Variants in ATP8B4 observed in about 807,000 individuals in gnomAD.
The protein encoded by ATP8B4 is probable phospholipid-transporting ATPase IM.
A neutral mutation model predicts 145.6 loss-of-function variants in ATP8B4; 133 were observed. The ratio of observed to expected loss-of-function variants is 0.91; its 90% CI spans 0.79 to 1.05. ATP8B4 has a LOEUF of 1.05. Among genes scored for constraint, ATP8B4 ranks in the 50% least tolerant of loss-of-function variants. The probability of loss-of-function intolerance (pLI) is 0.00; values close to 1 mark genes in which losing one functional copy is unlikely to be tolerated. For synonymous variants in ATP8B4, 507 were observed against 492.9 expected, an observed-to-expected ratio of 1.03 and a Z score of -0.38; for missense variants, 1,458 against 1,425.2, an observed-to-expected ratio of 1.02 and a Z score of -0.37.
At chr15:49,994,440 T>C (rs2047264994) in intron 9 of ATP8B4, among the ~76,000 whole-genome samples, 1 of 152,146 alleles carries the variant, frequency 6.6e-6, no homozygotes, top group African/African-American at 2.4e-5. Flanking sequence ...TATTTATTCA[T>C]CCAGCAGGGA....
At chr15:50,121,112 T>TA (rs2057265754), upstream of ATP8B4, among the ~76,000 whole-genome samples, 1 of 152,202 alleles carries the variant, frequency 6.6e-6, no homozygotes, top group Non-Finnish European at 1.5e-5. Context: ...ATCTCATTTT[T>TA]AAAAAATATT....
At chr15:50,038,253 C>T (rs897620402) in intron 6 of ATP8B4, among the ~76,000 whole-genome samples, 2 of 152,104 alleles carry the variant, frequency 1.3e-5, no homozygotes, top group Non-Finnish European at 2.9e-5. Context: ...GCACTGTTCC[C>T]ACAAATACTT....
chr15:49,948,754 T>C (rs1173024513), intron 14 of ATP8B4, among the ~76,000 whole-genome samples: 2 of 152,230 alleles, frequency 1.3e-5, no homozygotes, highest in African/African-American at 4.8e-5. Context: ...AGGTAGCCTG[T>C]TCACTCTGAT....
At position 49,860,434 on chromosome 15, in the gene ATP8B4, T is replaced by TG. The variant is rs756009880; in HGVS notation, c.3338dup (p.Ser1114LysfsTer2). 1 of 1,613,606 alleles carries TG rather than the reference T, an allele frequency of 6.2e-7. No individual in the cohort carries two copies. The highest frequency in any genetic ancestry group is 8.5e-7 in the Non-Finnish European group (1 of 1,179,884). On this transcript the variant is annotated frameshift_variant, in exon 28 of 28. Transcript: ENST00000284509. LOFTEE classifies it high-confidence loss of function. ...TGCGGGTCCGAGGCCTTCGGCTACT[T>TG]GGAGGCCTTGCCTTCTTTTGAGCCT...
intron 1 of ATP8B4, among the ~76,000 whole-genome samples, chr15:50,174,940 A>G (rs1255665399): frequency 6.6e-6 from 1 of 152,240 alleles, no homozygotes; most frequent in Non-Finnish European, 1.5e-5. Context: ...CTGGTATAAA[A>G]ATAGGCACAT....
At chr15:49,990,968 T>C (rs986222136) in intron 9 of ATP8B4, among the ~76,000 whole-genome samples, 1 of 152,156 alleles carries the variant, frequency 6.6e-6, no homozygotes, top group African/African-American at 2.4e-5. Context: ...CTTCCTATTT[T>C]CTAAAGCTTC....
intron 20 of ATP8B4, among the ~76,000 whole-genome samples, chr15:49,909,557 C>T (rs1331909127): frequency 6.6e-6 from 1 of 151,884 alleles, no homozygotes; most frequent in African/African-American, 2.4e-5. Flanking sequence ...AATGTGCTAC[C>T]CTTGGACCCA....
chr15:50,109,467 C>T (rs1014836237), intron 1 of ATP8B4, among the ~76,000 whole-genome samples: 5 of 152,028 alleles, frequency 3.3e-5, no homozygotes, highest in African/African-American at 4.8e-5. Context: ...TCTGTGACAA[C>T]GACATCTGTA....
At chr15:50,094,275 T>C (rs1234503297) in intron 2 of ATP8B4, among the ~76,000 whole-genome samples, 1 of 152,118 alleles carries the variant, frequency 6.6e-6, no homozygotes, top group African/African-American at 2.4e-5. Flanking sequence ...GGAACTCCTC[T>C]TGCCTTTGAG....
chr15:50,122,767 T>A (rs1033256023), upstream of ATP8B4, among the ~76,000 whole-genome samples: 3 of 151,560 alleles, frequency 2.0e-5, no homozygotes, highest in African/African-American at 7.3e-5. Flanking sequence ...CCCACTTGAA[T>A]CTCCTAAAGT....
chr15:50,070,224 T>C (rs1029424680), intron 3 of ATP8B4, among the ~76,000 whole-genome samples: 1 of 151,856 alleles, frequency 6.6e-6, no homozygotes, highest in Non-Finnish European at 1.5e-5. Context: ...CCATCTGGAG[T>C]GATATTCTTT....
intron 6 of ATP8B4, among the ~76,000 whole-genome samples, chr15:50,016,919 A>G (rs1298420695): frequency 6.6e-6 from 1 of 152,136 alleles, no homozygotes; most frequent in Non-Finnish European, 1.5e-5. Flanking sequence ...CATTCCCTTG[A>G]GGGGCAGTGG....
chr15:50,085,964 TATATATG>T (rs1475406502), intron 2 of ATP8B4, among the ~76,000 whole-genome samples: 1 of 54,396 alleles, frequency 1.8e-5, no homozygotes. Context: ...CATATATATT[TATATATG>T]ATATATCAAA....
intron 13 of ATP8B4, among the ~76,000 whole-genome samples, chr15:49,969,112 C>T (rs2044834229): frequency 6.6e-6 from 1 of 152,096 alleles, no homozygotes; most frequent in African/African-American, 2.4e-5. Context: ...ATCTCTGGGA[C>T]ACAGATAAAG....
Position 50,074,173 on chromosome 15 carries a change from A to G in ATP8B4, c.41T>C (p.Ile14Thr). The stretch of plus-strand genomic sequence containing the variant: ...ATATTCACGGTCATTGGCTTTCACT[A>G]TCCGTTCCACTTCTAAAGAGAGAGA... ...SEKKLREVER[I>T]VKANDREYNE... Residue 14 changes from isoleucine to threonine, a missense_variant, in exon 3 of 28, where the codon ATA becomes ACA. Physicochemically the swap from Ile to Thr is moderately conservative, Grantham distance 89. Coordinates refer to ENST00000284509, the MANE Select transcript of ATP8B4 (RefSeq NM_024837.4). 1.9e-6 allele frequency: 3 copies of G among 1,612,386 alleles called. No homozygotes were observed. Among genetic ancestry groups the G allele is most frequent in the East Asian group, 2.2e-5 (1 of 44,824 alleles).
intron 14 of ATP8B4, among the ~76,000 whole-genome samples, chr15:49,947,622 T>C (rs987177986): frequency 2.0e-5 from 3 of 151,932 alleles, no homozygotes; most frequent in Non-Finnish European, 4.4e-5. Flanking sequence ...TAAAAAAAAT[T>C]CTAAAATTGA....
At chr15:50,135,114 T>G (rs1315643861) in intron 1 of ATP8B4, among the ~76,000 whole-genome samples, 1 of 152,228 alleles carries the variant, frequency 6.6e-6, no homozygotes, top group African/African-American at 2.4e-5. Flanking sequence ...GAGGAAAATT[T>G]AAATGGTTTT....
intron 18 of ATP8B4, among the ~76,000 whole-genome samples, chr15:49,919,987 A>G (rs2040109581): frequency 6.6e-6 from 1 of 152,206 alleles, no homozygotes; most frequent in Non-Finnish European, 1.5e-5. Flanking sequence ...GAGGTTGACA[A>G]AGAATAGGTA....
At chr15:49,923,976 A>G (rs1333581586) in intron 16 of ATP8B4, among the ~76,000 whole-genome samples, 2 of 151,714 alleles carry the variant, frequency 1.3e-5, no homozygotes, top group Admixed American at 6.6e-5. Context: ...CCTTGCTGAC[A>G]TATTTCTTCA....
Sources: gnomAD v4.1 joint callset for allele counts (sites outside exome capture counted in the v4.1 genomes callset) on GRCh38, gnomAD v4.1.1 for gene constraint, MANE v1.5 for transcripts, NCBI Gene and HGNC (gene_info 2026-07-23, HGNC 2026-07-21) for gene names.